Variants in RORA observed in about 807,000 individuals in gnomAD.
RORA encodes the protein nuclear receptor ROR-alpha.
Under a neutral mutation model 69.5 loss-of-function variants are expected in RORA, and 7 were observed. The observed-to-expected ratio is 0.10, with a 90% CI of 0.06 to 0.19. The LOEUF is 0.19. Among genes scored for constraint, RORA ranks in the 10% least tolerant of loss-of-function variants. The probability of loss-of-function intolerance (pLI) is 1.00; values close to 1 mark genes in which losing one functional copy is unlikely to be tolerated. For synonymous variants in RORA, 261 were observed against 240.8 expected, an observed-to-expected ratio of 1.08 and a Z score of -0.78; for missense variants, 457 against 663.0, an observed-to-expected ratio of 0.69 and a Z score of 3.41.
chr15:60,515,246 G>A (rs527326249), intron 3 of RORA, among the ~76,000 whole-genome samples: 4 of 152,126 alleles, frequency 2.6e-5, no homozygotes, highest in Non-Finnish European at 5.9e-5. Context: ...TTCAACACAC[G>A]GCCCTTTAGG....
chr15:60,666,536 T>A (rs2070385269), intron 2 of RORA, among the ~76,000 whole-genome samples: 1 of 151,962 alleles, frequency 6.6e-6, no homozygotes, highest in Non-Finnish European at 1.5e-5. Context: ...CAGCAACTAT[T>A]CTGCAATACA....
intron 2 of RORA, among the ~76,000 whole-genome samples, chr15:60,668,700 G>C (rs966046085): frequency 1.3e-5 from 2 of 152,088 alleles, no homozygotes; most frequent in Non-Finnish European, 2.9e-5. Flanking sequence ...TTTCAGTTTT[G>C]TCGACACAAA....
intron 1 of RORA, among the ~76,000 whole-genome samples, chr15:60,898,196 A>T (rs1891284605): frequency 6.6e-6 from 1 of 152,236 alleles, no homozygotes; most frequent in East Asian, 1.9e-4. Flanking sequence ...ACTGCATATC[A>T]GTAAATGACA....
At chr15:60,672,195 T>C (rs1226208942) in intron 2 of RORA, among the ~76,000 whole-genome samples, 2 of 152,324 alleles carry the variant, frequency 1.3e-5, no homozygotes, top group Non-Finnish European at 2.9e-5. Context: ...AATCAGTTTG[T>C]TCTTCAAGCT....
At chr15:60,616,620 T>C (rs1440008805) in intron 2 of RORA, among the ~76,000 whole-genome samples, 1 of 152,218 alleles carries the variant, frequency 6.6e-6, no homozygotes, top group Non-Finnish European at 1.5e-5. Flanking sequence ...AATTCTGATC[T>C]TGGAACAGAA....
intron 1 of RORA, among the ~76,000 whole-genome samples, chr15:60,787,838 A>G (rs1439395599): frequency 2.6e-5 from 4 of 152,186 alleles, no homozygotes; most frequent in Admixed American, 2.6e-4. Context: ...AAAGAGTGGA[A>G]GTTCATCAGG....
rs1214528266 is a variant in RORA, at chr15:60,494,742, A to G, written c.*2713T>C. On this transcript the variant is annotated 3_prime_UTR_variant, in exon 11 of 11. Transcript: ENST00000335670. Reference sequence around the variant, plus strand: ...AGCTCCACCGCTGCTTTTCTTTCAGAAACACCTGGGAAGAAGCATCATATT... The same window carrying G: ...AGCTCCACCGCTGCTTTTCTTTCAGGAACACCTGGGAAGAAGCATCATATT... The G allele has an allele frequency of 6.6e-6, 1 of 152,220 alleles. No homozygotes were observed. The highest frequency in any genetic ancestry group is 1.5e-5 in the Non-Finnish European group (1 of 68,042). 9.4% of individuals were successfully genotyped at this position (152,220 alleles called of 1,614,324 possible).
intron 1 of RORA, among the ~76,000 whole-genome samples, chr15:61,212,845 T>C (rs2080005796): frequency 6.6e-6 from 1 of 152,192 alleles, no homozygotes; most frequent in African/African-American, 2.4e-5. Flanking sequence ...GCTGATATCA[T>C]TTCAAAATCC....
At chr15:60,934,624 G>C (rs1306792066) in intron 1 of RORA, among the ~76,000 whole-genome samples, 1 of 152,170 alleles carries the variant, frequency 6.6e-6, no homozygotes, top group Non-Finnish European at 1.5e-5. Context: ...ACAGGTATGA[G>C]TCAATGAGTC....
chr15:60,794,758 T>C (rs341433), intron 1 of RORA, among the ~76,000 whole-genome samples: 148 of 152,340 alleles, frequency 9.7e-4, no homozygotes, highest in African/African-American at 3.5e-3. Context: ...GGAGTTATCA[T>C]TCAACCAGAG....
intron 1 of RORA, among the ~76,000 whole-genome samples, chr15:61,077,537 A>T (rs919167414): frequency 6.6e-6 from 1 of 152,042 alleles, no homozygotes; most frequent in African/African-American, 2.4e-5. Context: ...CAAAGCCATG[A>T]CCCTCTGTCT....
At chr15:60,871,133 G>C (rs2073550544) in intron 1 of RORA, among the ~76,000 whole-genome samples, 1 of 152,158 alleles carries the variant, frequency 6.6e-6, no homozygotes, top group African/African-American at 2.4e-5. Context: ...GGACTTCAAT[G>C]CATAATAGAT....
rs76299492 is a variant in RORA, at chr15:60,918,662, C to G, written c.167-239976G>C. Among the ~76,000 whole-genome samples the G allele has an allele frequency of 7.2e-5, 11 of 152,254 alleles. No individual in the cohort carries two copies. In the East Asian group the frequency reaches 2.1e-3, roughly 29 times the overall value. ...TTCCCAATTGACAGAAAAGCAGGAA[C>G]CTTGGAGATATCAGAAATATTTTTT... is the stretch of plus-strand genomic sequence containing the variant. On this transcript the variant is annotated intron_variant, in intron 1 of 10. Transcript: ENST00000335670.
chr15:60,941,266 C>T (rs932180373), intron 1 of RORA, among the ~76,000 whole-genome samples: 5 of 152,236 alleles, frequency 3.3e-5, no homozygotes, highest in African/African-American at 1.2e-4. Flanking sequence ...TGTGGTTTCA[C>T]TTCCTTGGAC....
chr15:61,179,874 C>T (rs867089870), intron 1 of RORA, among the ~76,000 whole-genome samples: 4 of 152,008 alleles, frequency 2.6e-5, no homozygotes, highest in South Asian at 2.1e-4. Flanking sequence ...TGGAGGCTCA[C>T]GCCTGTAATC....
chr15:60,888,335 G>C (rs1420484554), intron 1 of RORA, among the ~76,000 whole-genome samples: 1 of 152,152 alleles, frequency 6.6e-6, no homozygotes, highest in Non-Finnish European at 1.5e-5. Context: ...AGGCCGGTGG[G>C]CCTGGTCACC....
chr15:61,196,686 T>C (rs554205062), intron 1 of RORA, among the ~76,000 whole-genome samples: 3 of 152,312 alleles, frequency 2.0e-5, no homozygotes, highest in South Asian at 4.2e-4. Flanking sequence ...AATTAACAAA[T>C]TGCACATGTG....
intron 1 of RORA, among the ~76,000 whole-genome samples, chr15:60,698,630 G>GTTTTTTTTTTTTTTTTTTT (rs34961839): frequency 8.9e-6 from 1 of 112,698 alleles, no homozygotes. Flanking sequence ...TGGCATTTGT[G>GTTTTTTTTTTTTTTTTTTT]TTTTTTTTTT....
chr15:60,515,873 TATAC>T (rs1338442820), intron 3 of RORA, among the ~76,000 whole-genome samples: 1 of 130,294 alleles, frequency 7.7e-6, no homozygotes, highest in Non-Finnish European at 1.5e-5. Context: ...CCTGGCTAAT[TATAC>T]ATACATACAT....
Sources: gnomAD v4.1 joint callset for allele counts (sites outside exome capture counted in the v4.1 genomes callset) on GRCh38, gnomAD v4.1.1 for gene constraint, MANE v1.5 for transcripts, NCBI Gene and HGNC (gene_info 2026-07-23, HGNC 2026-07-21) for gene names.